Variants in ZNF385D observed in about 807,000 individuals in gnomAD.
ZNF385D encodes zinc finger protein 385D.
ZNF385D carries 15 observed loss-of-function variants against 35.8 expected under a neutral mutation model. That is an observed-to-expected ratio of 0.42 (90% CI 0.28 to 0.64). The LOEUF is 0.64. Ranked by LOEUF, ZNF385D falls within the 30% of genes least tolerant of loss-of-function variation. The pLI, the probability that ZNF385D is intolerant of heterozygous loss-of-function variation, is 0.23. For missense variants in ZNF385D, 474 were observed against 494.6 expected, an observed-to-expected ratio of 0.96 and a Z score of 0.39; for synonymous variants, 212 against 186.8, an observed-to-expected ratio of 1.13 and a Z score of -1.10.
At chr3:21,545,042 G>C (rs1439002808) in intron 3 of ZNF385D, among the ~76,000 whole-genome samples, 2 of 152,160 alleles carry the variant, frequency 1.3e-5, no homozygotes, top group East Asian at 3.9e-4. Context: ...AATTGTATGG[G>C]ATTTCTAAAA....
At chr3:21,712,217 T>C (rs947575679) in intron 1 of ZNF385D, among the ~76,000 whole-genome samples, 4 of 152,184 alleles carry the variant, frequency 2.6e-5, no homozygotes, top group Non-Finnish European at 5.9e-5. Context: ...TGAAAACCAT[T>C]ATGTATCTCT....
chr3:22,196,023 A>C (rs1387698531), intron 2 of ZNF385D, among the ~76,000 whole-genome samples: 1 of 151,980 alleles, frequency 6.6e-6, no homozygotes, highest in East Asian at 1.9e-4. Context: ...GGTCTTTTCG[A>C]GGGTGGAGGG....
chr3:21,480,316 T>C (rs1177753922), intron 4 of ZNF385D, among the ~76,000 whole-genome samples: 1 of 152,136 alleles, frequency 6.6e-6, no homozygotes, highest in Admixed American at 6.6e-5. Context: ...TTGATCAGGC[T>C]GATCTCGAAC....
At chr3:22,314,697 G>C (rs577397057) in intron 2 of ZNF385D, among the ~76,000 whole-genome samples, 3 of 152,112 alleles carry the variant, frequency 2.0e-5, no homozygotes, top group African/African-American at 7.2e-5. Flanking sequence ...TACTTTCTTG[G>C]GAGTGATATC....
At chr3:21,798,407 C>G (rs1297875450) in intron 3 of ZNF385D, among the ~76,000 whole-genome samples, 1 of 152,148 alleles carries the variant, frequency 6.6e-6, no homozygotes, top group East Asian at 1.9e-4. Context: ...TTTTGTATCT[C>G]TAGACGCGGG....
intron 3 of ZNF385D, among the ~76,000 whole-genome samples, chr3:21,985,343 C>A (rs1413001377): frequency 2.7e-5 from 3 of 112,382 alleles, no homozygotes; most frequent in Admixed American, 8.1e-5. Flanking sequence ...TACGTCCCAT[C>A]AATACCTAAT....
At chr3:22,328,433 A>G (rs544187838) in intron 2 of ZNF385D, among the ~76,000 whole-genome samples, 1 of 152,274 alleles carries the variant, frequency 6.6e-6, no homozygotes, top group African/African-American at 2.4e-5. Context: ...CTGCATTACC[A>G]TATTTTATTA....
At chr3:21,553,749 A>G (rs1249340391) in intron 3 of ZNF385D, among the ~76,000 whole-genome samples, 1 of 152,156 alleles carries the variant, frequency 6.6e-6, no homozygotes, top group Non-Finnish European at 1.5e-5. Context: ...AATACTCTAA[A>G]TTCTTTGTTG....
intron 2 of ZNF385D, among the ~76,000 whole-genome samples, chr3:22,231,197 C>G (rs1466628276): frequency 6.6e-6 from 1 of 152,148 alleles, no homozygotes; most frequent in Admixed American, 6.5e-5. Flanking sequence ...TTTAAGCCCC[C>G]TGCCACTGGA....
chr3:22,156,311 A>G (rs536972415), intron 3 of ZNF385D, among the ~76,000 whole-genome samples: 1 of 152,110 alleles, frequency 6.6e-6, no homozygotes, highest in African/African-American at 2.4e-5. Flanking sequence ...CTCTTTTACA[A>G]TGAAGTCCTA....
At chr3:22,026,784 T>A (rs563310473) in intron 3 of ZNF385D, among the ~76,000 whole-genome samples, 1 of 152,150 alleles carries the variant, frequency 6.6e-6, no homozygotes, top group Non-Finnish European at 1.5e-5. Flanking sequence ...CCTGGAGGGA[T>A]TGAGAACATT....
chr3:21,542,262 G>A (rs528764465), intron 3 of ZNF385D, among the ~76,000 whole-genome samples: 2 of 152,068 alleles, frequency 1.3e-5, no homozygotes, highest in Non-Finnish European at 2.9e-5. Context: ...TGTGGAAAAG[G>A]AAGCCTAAAC....
chr3:21,823,363 A>G (rs1049765283), intron 3 of ZNF385D, among the ~76,000 whole-genome samples: 2 of 152,122 alleles, frequency 1.3e-5, no homozygotes, highest in African/African-American at 4.8e-5. Context: ...TGTTATTTGT[A>G]TCCTAAACAC....
At position 21,883,652 on chromosome 3, in the gene ZNF385D, T is replaced by C. The variant is rs528586242; in HGVS notation, c.326-218624A>G. 2.6e-5 allele frequency among the ~76,000 whole-genome samples: 4 copies of C among 152,176 alleles called. No homozygotes were observed. In the East Asian group the frequency reaches 7.7e-4, roughly 29 times the overall value. ...TGCTGGAAATGATGAGAAATGCGTT[T>C]TGTTGATGCACGATGCTGCCTGCAC... On this transcript the variant is annotated intron_variant, in intron 3 of 5. Coordinates refer to the ZNF385D transcript ENST00000494108.
At chr3:22,221,760 CA>C (rs1381477279) in intron 2 of ZNF385D, among the ~76,000 whole-genome samples, 1 of 152,044 alleles carries the variant, frequency 6.6e-6, no homozygotes, top group Non-Finnish European at 1.5e-5. Flanking sequence ...AAAGCTAGTG[CA>C]AGGATTGAAA....
At chr3:22,310,227 C>T (rs967668022) in intron 2 of ZNF385D, among the ~76,000 whole-genome samples, 1 of 151,948 alleles carries the variant, frequency 6.6e-6, no homozygotes, top group African/African-American at 2.4e-5. Context: ...ATTACTATTA[C>T]GAACAAGAGC....
chr3:22,323,298 G>A (rs1694528859), intron 2 of ZNF385D, among the ~76,000 whole-genome samples: 1 of 152,108 alleles, frequency 6.6e-6, no homozygotes, highest in Non-Finnish European at 1.5e-5. Context: ...CTGGTATATA[G>A]GGATATGCCC....
chr3:21,870,587 T>G (rs1697636269), intron 3 of ZNF385D, among the ~76,000 whole-genome samples: 1 of 152,178 alleles, frequency 6.6e-6, no homozygotes, highest in Non-Finnish European at 1.5e-5. Flanking sequence ...ATAAATGTCT[T>G]ACTGTATGGT....
At chr3:21,999,769 G>A (rs1456953227) in intron 3 of ZNF385D, among the ~76,000 whole-genome samples, 1 of 69,598 alleles carries the variant, frequency 1.4e-5, no homozygotes, top group Non-Finnish European at 2.7e-5. Context: ...CCCCAGTCAG[G>A]CAAAAAAAAA....
Sources: allele counts gnomAD v4.1 joint callset (sites outside exome capture counted in the v4.1 genomes callset), GRCh38; gene constraint gnomAD v4.1.1; transcripts MANE v1.5; gene names NCBI Gene and HGNC (gene_info 2026-07-23, HGNC 2026-07-21).